The following JPH1 variants were observed in gnomAD, a reference collection of about 807,000 sequenced individuals.
The protein encoded by JPH1 is junctophilin-1.
JPH1 carries 12 observed loss-of-function variants against 53.6 expected under a neutral mutation model. That is an observed-to-expected ratio of 0.22 (90% CI 0.14 to 0.36). JPH1 has a LOEUF of 0.36. Among genes scored for constraint, JPH1 ranks in the 10% least tolerant of loss-of-function variants. The probability of loss-of-function intolerance (pLI) is 1.00; values close to 1 mark genes in which losing one functional copy is unlikely to be tolerated. For synonymous variants in JPH1, 375 were observed against 363.8 expected (o/e 1.03, Z -0.35); for missense variants, 808 against 905.5 (o/e 0.89, Z 1.38).
intron 2 of JPH1, among the ~76,000 whole-genome samples, chr8:74,286,146 C>A (rs1311197040): frequency 1.3e-5 from 2 of 152,228 alleles, no homozygotes; most frequent in Non-Finnish European, 2.9e-5. Flanking sequence ...TGATCCATAT[C>A]CTACTCGGTC....
At chr8:74,243,782 T>G (rs76270623) in intron 4 of JPH1, among the ~76,000 whole-genome samples, 10,265 of 152,266 alleles carry the variant, frequency 0.067, 798 homozygotes, top group African/African-American at 0.19. Flanking sequence ...AATCTCCTTT[T>G]AAAGAAGGTA....
chr8:74,311,657 T>C (rs1478104411), intron 2 of JPH1, among the ~76,000 whole-genome samples: 1 of 28,352 alleles, frequency 3.5e-5, no homozygotes, highest in African/African-American at 1.4e-4. Context: ...TATCTCCCAA[T>C]GCTATCCCTC....
chr8:74,271,246 C>T (rs570111611), intron 2 of JPH1, among the ~76,000 whole-genome samples: 5 of 152,108 alleles, frequency 3.3e-5, no homozygotes, highest in African/African-American at 1.2e-4. Flanking sequence ...AGCTACCCAC[C>T]AACACCCCAG....
At chr8:74,285,670 G>T (rs1807144051) in intron 2 of JPH1, among the ~76,000 whole-genome samples, 1 of 152,124 alleles carries the variant, frequency 6.6e-6, no homozygotes, top group Non-Finnish European at 1.5e-5. Context: ...TAATGTGTCT[G>T]ATTACTTGGT....
chr8:74,255,345 T>C (rs1806188105), intron 3 of JPH1, among the ~76,000 whole-genome samples: 1 of 152,116 alleles, frequency 6.6e-6, no homozygotes, highest in African/African-American at 2.4e-5. Context: ...TAGCCATATG[T>C]AGAAAGCTGA....
rs760376254 is a variant in JPH1 at position 74,262,757 on chromosome 8, A to G, written c.1140-3254T>C. The stretch of plus-strand genomic sequence containing the variant: ...GTTGCACCTTATGGGTGAAGACACC[A>G]CAGCCATGCTGGCTGGGGAGACCTG... On this transcript the variant is annotated intron_variant, in intron 2 of 5. Transcript: ENST00000342232. 6.0e-4 allele frequency among the ~76,000 whole-genome samples: 91 copies of G among 152,328 alleles called. 1 individual carries two copies. Among genetic ancestry groups the G allele is most frequent in the Non-Finnish European group, 1.0e-3 (71 of 68,028 alleles).
At chr8:74,255,152 A>T (rs1347211068) in intron 3 of JPH1, among the ~76,000 whole-genome samples, 1 of 152,148 alleles carries the variant, frequency 6.6e-6, no homozygotes, top group East Asian at 1.9e-4. Context: ...CTATACTATA[A>T]GGCTACAGTA....
intron 2 of JPH1, among the ~76,000 whole-genome samples, chr8:74,274,161 C>T (rs1179875289): frequency 6.6e-6 from 1 of 152,140 alleles, no homozygotes; most frequent in Non-Finnish European, 1.5e-5. Context: ...TACCACACAC[C>T]CTGGCTTGAC....
intron 2 of JPH1, among the ~76,000 whole-genome samples, chr8:74,289,338 A>T (rs532683097): frequency 1.3e-5 from 2 of 152,338 alleles, no homozygotes; most frequent in Admixed American, 6.5e-5. Context: ...TTCTTCAGAG[A>T]AAGGTAACAC....
intron 3 of JPH1, among the ~76,000 whole-genome samples, chr8:74,249,705 T>C (rs1409477524): frequency 2.0e-5 from 3 of 152,220 alleles, no homozygotes; most frequent in Non-Finnish European, 4.4e-5. Context: ...TTAGAAGTCA[T>C]CTATTCCAGG....
chr8:74,285,107 G>A (rs1412763451), intron 2 of JPH1, among the ~76,000 whole-genome samples: 2 of 152,130 alleles, frequency 1.3e-5, no homozygotes, highest in African/African-American at 4.8e-5. Context: ...ACAGGCGTGA[G>A]CCACTGCGCC....
intron 2 of JPH1, among the ~76,000 whole-genome samples, chr8:74,270,062 T>C (rs1806653509): frequency 6.6e-6 from 1 of 152,052 alleles, no homozygotes; most frequent in Non-Finnish European, 1.5e-5. Context: ...TATTGAAAAA[T>C]GCACATTTTG....
chr8:74,248,110 A>C (rs1300557609), intron 3 of JPH1, among the ~76,000 whole-genome samples: 2 of 152,150 alleles, frequency 1.3e-5, no homozygotes, highest in Non-Finnish European at 2.9e-5. Flanking sequence ...ACCTCTTTGG[A>C]CACAGTTTTC....
At chr8:74,274,667 T>G (rs1806797754) in intron 2 of JPH1, among the ~76,000 whole-genome samples, 1 of 152,214 alleles carries the variant, frequency 6.6e-6, no homozygotes, top group African/African-American at 2.4e-5. Context: ...CATTAAAAAT[T>G]ACATAAAATG....
chr8:74,240,523 G>C (rs1373737238), intron 4 of JPH1, among the ~76,000 whole-genome samples: 2 of 152,042 alleles, frequency 1.3e-5, no homozygotes, highest in Non-Finnish European at 2.9e-5. Context: ...TTGTCTTTCT[G>C]TGCCTGGCTT....
intron 3 of JPH1, among the ~76,000 whole-genome samples, chr8:74,250,086 A>G (rs1425774471): frequency 6.6e-6 from 1 of 152,022 alleles, no homozygotes; most frequent in Non-Finnish European, 1.5e-5. Flanking sequence ...TTTACATGCT[A>G]CTTAATATCA....
intron 2 of JPH1, among the ~76,000 whole-genome samples, chr8:74,305,994 AAG>A (rs1807820623): frequency 6.6e-6 from 1 of 151,722 alleles, no homozygotes; most frequent in Non-Finnish European, 1.5e-5. Flanking sequence ...GGGCTGGAGA[AAG>A]AGTTTTTTTT....
intron 2 of JPH1, among the ~76,000 whole-genome samples, chr8:74,271,921 C>A (rs1283319488): frequency 1.3e-5 from 2 of 152,282 alleles, no homozygotes; most frequent in East Asian, 1.9e-4. Flanking sequence ...AGCTGGAAAA[C>A]GGCATTTGTT....
intron 3 of JPH1, among the ~76,000 whole-genome samples, chr8:74,257,297 C>G (rs1315133298): frequency 6.6e-6 from 1 of 152,168 alleles, no homozygotes. Context: ...CATTTTCCCA[C>G]AATATTTTTT....
Sources: allele counts gnomAD v4.1 joint callset (sites outside exome capture counted in the v4.1 genomes callset), GRCh38; gene constraint gnomAD v4.1.1; transcripts MANE v1.5; gene names NCBI Gene and HGNC (gene_info 2026-07-23, HGNC 2026-07-21).